Variants in KDM5B observed in about 807,000 individuals in gnomAD.
The protein encoded by KDM5B is lysine demethylase 5B.
Under a neutral mutation model 193.4 loss-of-function variants are expected in KDM5B, and 144 were observed. The ratio of observed to expected loss-of-function variants is 0.74; its 90% CI spans 0.65 to 0.86. KDM5B has a LOEUF of 0.86. Ranked by LOEUF, KDM5B falls within the 40% of genes least tolerant of loss-of-function variation. The pLI is 0.00. For missense variants in KDM5B, 1,833 were observed against 1,886.9 expected, an observed-to-expected ratio of 0.97 and a Z score of 0.53; for synonymous variants, 668 against 682.6, an observed-to-expected ratio of 0.98 and a Z score of 0.33.
rs745340526 is a variant in KDM5B at position 202,740,734 on chromosome 1, C to T, written c.3024G>A (p.Ala1008=). Residue 1008 remains alanine, a synonymous_variant, in exon 20 of 27, where the codon GCG becomes GCA. Coordinates refer to ENST00000367265, the MANE Select transcript of KDM5B (RefSeq NM_006618.5). ...EEIPAYLPNG[A]ALKDSVQRAR... ...CTCTCTGCACTGAGTCTTTCAGAGC[C>T]GCACCATTGGGCAGATATGCAGGGA... 12 of 1,612,764 alleles carry T rather than the reference C, an allele frequency of 7.4e-6. No individual in the cohort carries two copies. The highest frequency in any genetic ancestry group is 4.4e-5 in the South Asian group (4 of 91,030).
intron 1 of KDM5B, among the ~76,000 whole-genome samples, chr1:202,786,795 C>A (rs1657431584): frequency 6.6e-6 from 1 of 152,032 alleles, no homozygotes; most frequent in Non-Finnish European, 1.5e-5. Flanking sequence ...ACCTGTAATC[C>A]CAGCACTTTG....
In KDM5B at chr1:202,733,883, C is replaced by A. The variant is rs1228731455; in HGVS notation, c.3427G>T (p.Ala1143Ser). The A allele has an allele frequency of 1.2e-6, 2 of 1,602,282 alleles. No homozygotes were observed. The highest frequency in any genetic ancestry group is 2.2e-5 in the South Asian group (2 of 89,332). ...CTTAGGCGAGCTTCCCCAAGAGTTG[C>A]CATCTGAAAAAGAGTTAACAATCAA... ...TESKETASAM[A>S]TLGEARLREM... is the part of the protein sequence containing the mutation. The change falls in exon 23 of 27, where the codon GCA (alanine) becomes TCA (serine). Residue 1143 changes from alanine to serine, a missense_variant. By Grantham distance (99) the Ala-to-Ser change is moderately conservative. Coordinates refer to ENST00000367265, the MANE Select transcript of KDM5B (RefSeq NM_006618.5).
chr1:202,785,064 T>C (rs1329329312), intron 1 of KDM5B, among the ~76,000 whole-genome samples: 1 of 151,948 alleles, frequency 6.6e-6, no homozygotes, highest in Non-Finnish European at 1.5e-5. Context: ...GAGAACTGAT[T>C]TTACAAATAT....
intron 4 of KDM5B, 198 bp from the exon 5 acceptor site, chr1:202,767,258 C>A: frequency 6.2e-7 from 1 of 1,600,284 alleles, no homozygotes; most frequent in Non-Finnish European, 8.6e-7. Context: ...TGTCTTACTA[C>A]AAGGAAGGGT....
At chr1:202,755,245 C>T (rs1489985444) in intron 11 of KDM5B, 26 bp downstream of exon 11, 1 of 1,597,516 alleles carries the variant, frequency 6.3e-7, no homozygotes, top group East Asian at 2.2e-5. Context: ...GCATACTACT[C>T]ATGGGTTCTT....
Position 202,729,258 on chromosome 1 carries a change from C to T in KDM5B, c.4498-85G>A, listed in dbSNP as rs561141617. 25 of 1,489,188 alleles carry T rather than the reference C, an allele frequency of 1.7e-5. No individual in the cohort carries two copies. The East Asian group carries it at 3.4e-4, about 20-fold the overall frequency. 92.2% of individuals were successfully genotyped at this position (1,489,188 alleles called of 1,614,324 possible). A position where few individuals can be genotyped will look rare whatever the true frequency, so the allele number is the denominator to read the frequency against. On this transcript the variant is annotated intron_variant, in intron 26 of 26. Transcript: ENST00000367265. Reference sequence around the variant, plus strand: ...CAGGCCAGCCTCAAGAAATTCAGGCCGTTTGCCAATAACAGCCACTGTCCC... The same window carrying T: ...CAGGCCAGCCTCAAGAAATTCAGGCTGTTTGCCAATAACAGCCACTGTCCC...
chr1:202,803,132 G>A (rs1165465689), intron 1 of KDM5B, among the ~76,000 whole-genome samples: 1 of 152,044 alleles, frequency 6.6e-6, no homozygotes, highest in Non-Finnish European at 1.5e-5. Context: ...CTGCATGCCA[G>A]CCTGGATGAC....
At chr1:202,753,113 A>C in intron 11 of KDM5B, 46 bp from the exon 12 acceptor site, 1 of 1,525,964 alleles carries the variant, frequency 6.6e-7, no homozygotes, top group Non-Finnish European at 9.0e-7. Flanking sequence ...CACCAACACA[A>C]ACAAAATGGG....
chr1:202,806,742 C>T (rs913165009), intron 1 of KDM5B: 2 of 151,102 alleles, frequency 1.3e-5, no homozygotes, highest in Admixed American at 6.6e-5. Flanking sequence ...AGAATCCCTA[C>T]AACTCAAAAT....
chr1:202,772,719 T>A (rs1656770590), intron 4 of KDM5B, among the ~76,000 whole-genome samples: 1 of 150,908 alleles, frequency 6.6e-6, no homozygotes, highest in Admixed American at 6.6e-5. Flanking sequence ...AGACGGAGTC[T>A]CAGAGTCTCG....
At position 202,758,449 on chromosome 1, in the gene KDM5B, C is replaced by G; in HGVS notation, c.1139G>C (p.Arg380Pro). The change falls in exon 9 of 27, where the codon CGT (arginine) becomes CCT (proline). Residue 380 changes from arginine to proline, a missense_variant. By Grantham distance (103) the Arg-to-Pro change is moderately radical. Around this residue, in one of 3 missense-constraint regions of KDM5B, gnomAD observed 99 missense variants for 162.4 expected, o/e 0.61. Coordinates refer to ENST00000367265, the MANE Select transcript of KDM5B (RefSeq NM_006618.5). ...FEQAARDYTLRTFGEMADAFK... is the reference protein window; with the variant it reads ...FEQAARDYTLPTFGEMADAFK... ...CGCATCTGCCATTTCCCCAAAAGTA[C>G]GGAGGGTATAGTCCCTGGCTGCTTG... 1 of 1,612,928 alleles carries G rather than the reference C, an allele frequency of 6.2e-7. No homozygotes were observed. The highest frequency in any genetic ancestry group is 8.5e-7 in the Non-Finnish European group (1 of 1,179,182).
rs371067436 is a variant in KDM5B at position 202,744,419 on chromosome 1, A to G, written c.2323+1439T>C. Among the ~76,000 whole-genome samples, 543 of 152,282 alleles carry G rather than the reference A, an allele frequency of 3.6e-3. 3 individuals are homozygous for G. The highest frequency in any genetic ancestry group is 0.012 in the African/African-American group (517 of 41,548). ...CTAAAAATACAAAAATTAGCTGGGC[A>G]TGTTGGCACGTGCCTGTAGTCCCAG... On this transcript the variant is annotated intron_variant, in intron 16 of 26. Transcript: ENST00000367265.
At position 202,761,941 on chromosome 1, in the gene KDM5B, A is replaced by G. The variant is rs141850424; in HGVS notation, c.918+758T>C. On this transcript the variant is annotated intron_variant, in intron 7 of 26. Transcript: ENST00000367265. ...TAGCAAATAAAAATCTAGCTCTGTC[A>G]GTTTTCTGATTGTATTGGGGAGAGG... Among the ~76,000 whole-genome samples, 24 of 151,012 alleles carry G rather than the reference A, an allele frequency of 1.6e-4. No homozygotes were observed. The East Asian group carries it at 4.5e-3, about 28-fold the overall frequency.
chr1:202,754,996 T>A (rs149458768), intron 11 of KDM5B, among the ~76,000 whole-genome samples: 12 of 152,330 alleles, frequency 7.9e-5, no homozygotes, highest in African/African-American at 2.9e-4. Flanking sequence ...AGACAAAGAC[T>A]TCCTTACTTC....
Position 202,753,048 on chromosome 1 carries a change from A to C in KDM5B, c.1558T>G (p.Tyr520Asp). The change falls in exon 12 of 27, where the codon TAT becomes GAT. Residue 520 changes from tyrosine to aspartate, a missense_variant. Tyr to Asp is a radical substitution (Grantham distance 160). Coordinates refer to ENST00000367265, the MANE Select transcript of KDM5B (RefSeq NM_006618.5). ...YLHWGEPKTW[Y>D]GVPGYAAEQL... is the part of the protein sequence containing the mutation. Reference sequence around the variant, plus strand: ...TCAGCAGCATACCCTGGGACTCCATACCAGGTTTTTGGCTCACCCCTGGAA... The same window carrying C: ...TCAGCAGCATACCCTGGGACTCCATCCCAGGTTTTTGGCTCACCCCTGGAA... 1 of 1,613,486 alleles carries C rather than the reference A, an allele frequency of 6.2e-7. No homozygotes were observed. Among genetic ancestry groups the C allele is most frequent in the Non-Finnish European group, 8.5e-7 (1 of 1,179,820 alleles).
chr1:202,788,509 T>G (rs1657504207), intron 1 of KDM5B, among the ~76,000 whole-genome samples: 1 of 152,252 alleles, frequency 6.6e-6, no homozygotes, highest in African/African-American at 2.4e-5. Flanking sequence ...TCACATTAAA[T>G]TCCTCTTTTA....
At chr1:202,731,742 T>C (rs1047294724) in intron 24 of KDM5B, 86 bp downstream of exon 24, 3 of 1,007,182 alleles carry the variant, frequency 3.0e-6, no homozygotes, top group Non-Finnish European at 3.1e-6. Context: ...GTCCTTTTTA[T>C]GGTACTTGAT....
At chr1:202,755,981 A>G (rs1027142753) in intron 10 of KDM5B, among the ~76,000 whole-genome samples, 1 of 141,158 alleles carries the variant, frequency 7.1e-6, no homozygotes, top group Non-Finnish European at 1.5e-5. Context: ...AAACTACCAA[A>G]AAAAAAAAAA....
intron 7 of KDM5B, among the ~76,000 whole-genome samples, chr1:202,761,806 A>T (rs1296570611): frequency 6.6e-6 from 1 of 152,192 alleles, no homozygotes; most frequent in African/African-American, 2.4e-5. Flanking sequence ...TGTTTAAGCC[A>T]CTCAGTCTGC....
Sources: allele counts gnomAD v4.1 joint callset (sites outside exome capture counted in the v4.1 genomes callset), GRCh38; gene constraint gnomAD v4.1.1; regional missense constraint gnomAD v4.1.1; transcripts MANE v1.5; gene names NCBI Gene and HGNC (gene_info 2026-07-23, HGNC 2026-07-21).